Variants in HCN1 observed in about 807,000 individuals in gnomAD.
HCN1 encodes potassium/sodium hyperpolarization-activated cyclic nucleotide-gated channel 1.
A neutral mutation model predicts 78.9 loss-of-function variants in HCN1; 13 were observed. The observed-to-expected ratio is 0.16, with a 90% confidence interval of 0.11 to 0.26. The LOEUF (loss-of-function observed/expected upper bound fraction) is 0.26, where lower values mean the gene tolerates loss of function less well. Among genes scored for constraint, HCN1 ranks in the 10% least tolerant of loss-of-function variants. HCN1 has a pLI of 1.00. For synonymous variants in HCN1, 552 were observed against 455.5 expected (o/e 1.21, Z -2.70); for missense variants, 810 against 1,154.3 (o/e 0.70, Z 4.32).
chr5:45,267,891 CA>C (rs1194614121), intron 6 of HCN1, among the ~76,000 whole-genome samples: 2 of 151,488 alleles, frequency 1.3e-5, no homozygotes, highest in Admixed American at 6.6e-5. Context: ...AGAAAAAAAA[CA>C]AAAACAAAAG....
chr5:45,549,600 G>T (rs1428565165), intron 2 of HCN1, among the ~76,000 whole-genome samples: 1 of 152,124 alleles, frequency 6.6e-6, no homozygotes, highest in African/African-American at 2.4e-5. Flanking sequence ...AGTACTTCAT[G>T]TCTAAAACAC....
chr5:45,368,347 G>C (rs941751657), intron 4 of HCN1, among the ~76,000 whole-genome samples: 1 of 151,964 alleles, frequency 6.6e-6, no homozygotes, highest in Non-Finnish European at 1.5e-5. Flanking sequence ...ACTAGGCAAT[G>C]AGAAAATTAT....
intron 3 of HCN1, among the ~76,000 whole-genome samples, chr5:45,407,452 T>C (rs139895958): frequency 6.6e-6 from 1 of 152,292 alleles, no homozygotes; most frequent in East Asian, 1.9e-4. Flanking sequence ...TCTTTCAACT[T>C]ATACAAAAAT....
chr5:45,683,719 G>A (rs1182881808), intron 1 of HCN1, among the ~76,000 whole-genome samples: 1 of 151,244 alleles, frequency 6.6e-6, no homozygotes, highest in Non-Finnish European at 1.5e-5. Context: ...TAGCCTGGAT[G>A]GAGTGCAGTG....
chr5:45,297,110 C>A (rs570739373), intron 6 of HCN1, among the ~76,000 whole-genome samples: 1 of 152,130 alleles, frequency 6.6e-6, no homozygotes, highest in East Asian at 1.9e-4. Context: ...TTATTAACAG[C>A]AAACCTGTCA....
chr5:45,483,329 T>G (rs1741692601), intron 2 of HCN1, among the ~76,000 whole-genome samples: 2 of 152,206 alleles, frequency 1.3e-5, no homozygotes. Context: ...TCACACAGTA[T>G]TCTGAGTGGT....
chr5:45,695,656 C>G lies in HCN1; in HGVS notation c.425+13G>C, dbSNP rs1451530513. 4 of 1,610,078 alleles carry G rather than the reference C, an allele frequency of 2.5e-6. No individual in the cohort carries two copies. Among genetic ancestry groups the G allele is most frequent in the Non-Finnish European group, 3.4e-6 (4 of 1,178,556 alleles). Reference sequence around the variant, plus strand: ...CCTGAAGGGAGGGTGGGGCGGCGACCGGGAGCCCTCACCTGAAATCACTGT... The same window carrying G: ...CCTGAAGGGAGGGTGGGGCGGCGACGGGGAGCCCTCACCTGAAATCACTGT... On this transcript the variant is annotated intron_variant, in intron 1 of 7. Transcript: ENST00000303230.
chr5:45,351,011 AT>A (rs946624337), intron 5 of HCN1, among the ~76,000 whole-genome samples: 4 of 152,196 alleles, frequency 2.6e-5, no homozygotes, highest in Non-Finnish European at 5.9e-5. Context: ...TCTTCACAGA[AT>A]TGGAAAAAAC....
At chr5:45,534,778 A>G (rs1367319527) in intron 2 of HCN1, among the ~76,000 whole-genome samples, 1 of 152,186 alleles carries the variant, frequency 6.6e-6, no homozygotes, top group Non-Finnish European at 1.5e-5. Context: ...TATATTTTGA[A>G]TTCATTTGCT....
intron 4 of HCN1, among the ~76,000 whole-genome samples, chr5:45,364,167 T>A (rs1215149665): frequency 6.6e-6 from 1 of 152,124 alleles, no homozygotes; most frequent in East Asian, 1.9e-4. Context: ...TTTGTTGGCA[T>A]CTTTTAATAG....
At chr5:45,413,388 T>G (rs1740060998) in intron 3 of HCN1, among the ~76,000 whole-genome samples, 1 of 152,116 alleles carries the variant, frequency 6.6e-6, no homozygotes, top group African/African-American at 2.4e-5. Flanking sequence ...ATTGATATTC[T>G]TTGTAAACCA....
At chr5:45,385,297 C>G (rs144533385) in intron 4 of HCN1, among the ~76,000 whole-genome samples, 303 of 152,146 alleles carry the variant, frequency 2.0e-3, no homozygotes, top group Non-Finnish European at 3.4e-3. Context: ...GGGATTACCA[C>G]TGTAACTGCA....
rs1390586650 is a variant in HCN1 at position 45,372,301 on chromosome 5, T to A, written c.1231-19055A>T. Reference sequence around the variant, plus strand: ...TATATAATATATATTTCATATATAATATATAATATGTGAAATATATATGTT... The same window carrying A: ...TATATAATATATATTTCATATATAAAATATAATATGTGAAATATATATGTT... On this transcript the variant is annotated intron_variant, in intron 4 of 7. Transcript: ENST00000303230. Among the ~76,000 whole-genome samples, 420 of 95,740 alleles carry A rather than the reference T, an allele frequency of 4.4e-3. 3 individuals are homozygous for A. The highest frequency in any genetic ancestry group is 0.028 in the Middle Eastern group (2 of 72). The allele number at this position is 95,740 out of a possible 152,430, so 62.8% of individuals were successfully genotyped here.
intron 4 of HCN1, among the ~76,000 whole-genome samples, chr5:45,388,301 GA>G (rs1284647933): frequency 6.6e-6 from 1 of 152,030 alleles, no homozygotes; most frequent in Non-Finnish European, 1.5e-5. Flanking sequence ...TGCTTAGTTA[GA>G]AAAAATTTCT....
chr5:45,693,798 A>G (rs1041436748), intron 1 of HCN1, among the ~76,000 whole-genome samples: 16 of 151,682 alleles, frequency 1.1e-4, no homozygotes, highest in Admixed American at 9.2e-4. Context: ...TCCTTTTCAC[A>G]TTGCTGAAAA....
At chr5:45,286,236 T>C (rs1427976681) in intron 6 of HCN1, among the ~76,000 whole-genome samples, 1 of 151,948 alleles carries the variant, frequency 6.6e-6, no homozygotes, top group Non-Finnish European at 1.5e-5. Flanking sequence ...TTAGAAATTA[T>C]AAGTGCAAAC....
intron 2 of HCN1, among the ~76,000 whole-genome samples, chr5:45,504,764 G>A (rs565767205): frequency 1.3e-5 from 2 of 152,268 alleles, no homozygotes; most frequent in South Asian, 2.1e-4. Context: ...AGCACCTGTT[G>A]TTTCCTGACT....
chr5:45,261,819 A>C lies in HCN1; in HGVS notation c.*102T>G. ...CCACAGCTGTCTAAAATATCTCTTC[A>C]TAGTAGGCTAGAGGGATCTATCAGG... On this transcript the variant is annotated 3_prime_UTR_variant, in exon 8 of 8. Transcript: ENST00000303230. The C allele has an allele frequency of 1.4e-6, 2 of 1,436,352 alleles. No homozygotes were observed. The allele number at this position is 1,436,352 out of a possible 1,614,324, so 89.0% of individuals were successfully genotyped here.
intron 1 of HCN1, among the ~76,000 whole-genome samples, chr5:45,676,949 T>C (rs1308229868): frequency 6.6e-6 from 1 of 151,852 alleles, no homozygotes; most frequent in Non-Finnish European, 1.5e-5. Flanking sequence ...CCATATATCA[T>C]ATAATCCAAC....
Sources: allele counts gnomAD v4.1 joint callset (sites outside exome capture counted in the v4.1 genomes callset), GRCh38; gene constraint gnomAD v4.1.1; transcripts MANE v1.5; gene names NCBI Gene and HGNC (gene_info 2026-07-23, HGNC 2026-07-21).